SCN3B: variants seen among roughly 807,000 people sequenced by gnomAD.
SCN3B encodes the protein sodium voltage-gated channel beta subunit 3.
Under a neutral mutation model 25.4 loss-of-function variants are expected in SCN3B, and 11 were observed. That is an observed-to-expected ratio of 0.43 (90% CI 0.27 to 0.72). SCN3B has a LOEUF of 0.72. SCN3B is among the 30% of genes least tolerant of loss of function. SCN3B has a pLI of 0.18. For missense variants in SCN3B, 218 were observed against 278.3 expected (o/e 0.78, Z 1.54); for synonymous variants, 109 against 110.7 (o/e 0.99, Z 0.09).
rs115752338 is a variant in SCN3B, at chr11:123,645,608, G to T, written c.198C>A (p.Pro66=). ...ATACAAGGAAATCTTTACCGCCCTC[G>T]GGCCTGTAGAACCATTCCACCACCG... ...ATTVVEWFYR[P]EGGKDFLIYE... is the part of the protein sequence containing the mutation. Residue 66 remains proline, a synonymous_variant, in exon 3 of 7, where the codon CCC becomes CCA. Coordinates refer to ENST00000299333, the MANE Select transcript of SCN3B (RefSeq NM_001040151.2). The T allele has an allele frequency of 3.7e-6, 6 of 1,614,118 alleles. No homozygotes were observed. The African/African-American group carries it at 8.0e-5, about 22-fold the overall frequency.
At position 123,642,312 on chromosome 11, in the gene SCN3B, A is replaced by G. The variant is rs1955801018; in HGVS notation, c.445+134T>C. The G allele has an allele frequency of 2.4e-6, 2 of 848,956 alleles. No homozygotes were observed. The highest frequency in any genetic ancestry group is 3.9e-5 in the Admixed American group (2 of 50,806). The allele number at this position is 848,956 out of a possible 1,614,324, so 52.6% of individuals were successfully genotyped here. The stretch of plus-strand genomic sequence containing the variant: ...CAGAAGAAGATGGGTCAATGGTGAC[A>G]TTTTTAGATGTCACCATTCCAAATA... On this transcript the variant is annotated intron_variant, in intron 4 of 6. Transcript: ENST00000299333. This position sits in a 1 kb window ranked among gnomAD's most constrained non-coding sequence, Gnocchi z 4.3.
At chr11:123,645,809 A>G (rs903433100) in intron 2 of SCN3B, 59 bp from the exon 3 acceptor site, 79 of 1,580,506 alleles carry the variant, frequency 5.0e-5, no homozygotes, top group Non-Finnish European at 6.2e-5. Context: ...GGGGCACAGG[A>G]GAGAAACATT....
rs541118337 is a variant in SCN3B, at chr11:123,645,884, C to A, written c.56-134G>T. ...AGTCATGAGGCCAACCTGAAAAAAGCCACGTGCACATGTCTACACCTTCAC... is the reference window on the plus strand; with the variant it reads ...AGTCATGAGGCCAACCTGAAAAAAGACACGTGCACATGTCTACACCTTCAC... On this transcript the variant is annotated intron_variant, in intron 2 of 6. Coordinates refer to ENST00000299333, the MANE Select transcript of SCN3B (RefSeq NM_001040151.2). 3.5e-3 allele frequency: 3,208 copies of A among 903,900 alleles called. 10 individuals are homozygous for A. Among genetic ancestry groups the A allele is most frequent in the Non-Finnish European group, 4.8e-3 (2,749 of 571,892 alleles). The allele number at this position is 903,900 out of a possible 1,614,324, so 56.0% of individuals were successfully genotyped here.
rs1278134938 is a variant in SCN3B at position 123,632,152 on chromosome 11, A to G, written c.*1647T>C. ...TTTCCAGTTTCTCTGCTCCCTCAAA[A>G]TCTAGGGGAAAAAAATCTGAAAATT... is the stretch of plus-strand genomic sequence containing the variant. On this transcript the variant is annotated 3_prime_UTR_variant, in exon 7 of 7. Coordinates refer to ENST00000299333, the MANE Select transcript of SCN3B (RefSeq NM_001040151.2). The G allele has an allele frequency of 1.3e-5, 2 of 152,208 alleles. No homozygotes were observed. Among genetic ancestry groups the G allele is most frequent in the Non-Finnish European group, 2.9e-5 (2 of 68,036 alleles). The allele number at this position is 152,208 out of a possible 1,614,324, so 9.4% of individuals were successfully genotyped here.
rs1394142226 is a variant in SCN3B at position 123,633,589 on chromosome 11, T to G, written c.*210A>C. 1.1e-5 allele frequency: 2 copies of G among 178,762 alleles called. No homozygotes were observed. The highest frequency in any genetic ancestry group is 2.4e-5 in the Non-Finnish European group (2 of 83,028). The allele number at this position is 178,762 out of a possible 1,614,324, so 11.1% of individuals were successfully genotyped here. ...GCTTCTCAGTTCTGGCAGAGTCTTA[T>G]GGTGCGTAGAGGTCTGATGGAGTTA... is the stretch of plus-strand genomic sequence containing the variant. On this transcript the variant is annotated 3_prime_UTR_variant, in exon 7 of 7. Coordinates refer to ENST00000299333, the MANE Select transcript of SCN3B (RefSeq NM_001040151.2).
intron 2 of SCN3B, among the ~76,000 whole-genome samples, chr11:123,651,295 C>T (rs1955923116): frequency 6.6e-6 from 1 of 151,978 alleles, no homozygotes; most frequent in Non-Finnish European, 1.5e-5. Context: ...ACACATCTAA[C>T]CCAGCATTAT....
chr11:123,644,674 G>A (rs11219214), intron 3 of SCN3B, among the ~76,000 whole-genome samples: 14,154 of 151,232 alleles, frequency 0.094, 835 homozygotes, highest in Admixed American at 0.17. Flanking sequence ...GGGAGGCTGA[G>A]GTGGGAGAAT....
rs530374610 is a variant in SCN3B at position 123,630,125 on chromosome 11, C to T, written c.*3674G>A. 2.8e-4 allele frequency: 42 copies of T among 152,266 alleles called. No homozygotes were observed. Among genetic ancestry groups the T allele is most frequent in the African/African-American group, 1.0e-3 (42 of 41,530 alleles). 9.4% of individuals were successfully genotyped at this position (152,266 alleles called of 1,614,324 possible). On this transcript the variant is annotated 3_prime_UTR_variant, in exon 7 of 7. Transcript: ENST00000299333. ...TTCTAGTTGGACATCTAAGGAGAAA[C>T]CTGCAACTCAGAAGGAAGTCTGGGT... is the stretch of plus-strand genomic sequence containing the variant.
At chr11:123,633,884 T>C in intron 6 of SCN3B, 108 bp from the exon 7 acceptor site, 1 of 460,946 alleles carries the variant, frequency 2.2e-6, no homozygotes, top group Non-Finnish European at 4.1e-6. Context: ...GTGCCTCTGT[T>C]ACCATGGGCA....
At position 123,633,142 on chromosome 11, in the gene SCN3B, T is replaced by A. The variant is rs886047898; in HGVS notation, c.*657A>T. ...GTCCTTCCCAAGTCTCCTGTCCTTG[T>A]CTTCTTGGAGGGAACCTTAGAGACC... is the stretch of plus-strand genomic sequence containing the variant. On this transcript the variant is annotated 3_prime_UTR_variant, in exon 7 of 7. Coordinates refer to ENST00000299333, the MANE Select transcript of SCN3B (RefSeq NM_001040151.2). 1 of 152,204 alleles carries A rather than the reference T, an allele frequency of 6.6e-6. No homozygotes were observed. 9.4% of individuals were successfully genotyped at this position (152,204 alleles called of 1,614,324 possible). A position where few individuals can be genotyped will look rare whatever the true frequency, so the allele number is the denominator to read the frequency against.
chr11:123,645,801 G>A, intron 2 of SCN3B, 51 bp from the exon 3 acceptor site: 1 of 1,590,498 alleles, frequency 6.3e-7, no homozygotes, highest in Non-Finnish European at 8.6e-7. Flanking sequence ...GTGGGGGAGG[G>A]GCACAGGAGA....
At chr11:123,651,286 C>T (rs1955922967) in intron 2 of SCN3B, among the ~76,000 whole-genome samples, 1 of 151,958 alleles carries the variant, frequency 6.6e-6, no homozygotes, top group Non-Finnish European at 1.5e-5. Context: ...GAAGGGGGAA[C>T]ACATCTAACC....
intron 4 of SCN3B, 125 bp from the exon 5 acceptor site, chr11:123,638,449 G>T: frequency 2.3e-6 from 3 of 1,331,512 alleles, no homozygotes; most frequent in Non-Finnish European, 3.1e-6. Flanking sequence ...GATGTCAAAG[G>T]TATTCCAAAT....
chr11:123,629,737 C>T lies in SCN3B; in HGVS notation c.*4062G>A, dbSNP rs1377964748. ...ACTGGCAAGCACACCAAGCACTATT[C>T]AGATACATTTGCAGTGACTAGGTGA... is the stretch of plus-strand genomic sequence containing the variant. On this transcript the variant is annotated 3_prime_UTR_variant, in exon 7 of 7. Transcript: ENST00000299333. 6.6e-6 allele frequency: 1 copy of T among 152,242 alleles called. No individual in the cohort carries two copies. Among genetic ancestry groups the T allele is most frequent in the African/African-American group, 2.4e-5 (1 of 41,460 alleles). The allele number at this position is 152,242 out of a possible 1,614,324, so 9.4% of individuals were successfully genotyped here.
rs1955655422 is a variant in SCN3B, at chr11:123,630,332, T to G, written c.*3467A>C. 6.5e-6 allele frequency: 1 copy of G among 152,744 alleles called. No individual in the cohort carries two copies. The highest frequency in any genetic ancestry group is 2.4e-5 in the African/African-American group (1 of 41,552). The allele number at this position is 152,744 out of a possible 1,614,324, so 9.5% of individuals were successfully genotyped here. A position where few individuals can be genotyped will look rare whatever the true frequency, so the allele number is the denominator to read the frequency against. On this transcript the variant is annotated 3_prime_UTR_variant, in exon 7 of 7. Coordinates refer to ENST00000299333, the MANE Select transcript of SCN3B (RefSeq NM_001040151.2). ...GGCCAACTGGATTGAGCAATCACAT[T>G]CATGGCTGTGAAGTAGTAAGAATGG...
chr11:123,653,151 CAA>C (rs3884445), intron 2 of SCN3B, among the ~76,000 whole-genome samples: 1 of 144,218 alleles, frequency 6.9e-6, no homozygotes. Flanking sequence ...ACAAACAAAC[CAA>C]AAAAAAAAGA....
In SCN3B at chr11:123,640,850, C is replaced by T. The variant is rs1955781459; in HGVS notation, c.445+1596G>A. 2.0e-5 allele frequency: 3 copies of T among 152,246 alleles called. No individual in the cohort carries two copies. In the South Asian group the frequency reaches 6.2e-4, roughly 32 times the overall value. 9.4% of individuals were successfully genotyped at this position (152,246 alleles called of 1,614,324 possible). On this transcript the variant is annotated intron_variant, in intron 4 of 6. Coordinates refer to ENST00000299333, the MANE Select transcript of SCN3B (RefSeq NM_001040151.2). Reference sequence around the variant, plus strand: ...AATGTGGGCGATTCTGATGTCTGCCCTTTATCCAGAGGCCCTGGATTAAAT... The same window carrying T: ...AATGTGGGCGATTCTGATGTCTGCCTTTTATCCAGAGGCCCTGGATTAAAT...
intron 5 of SCN3B, among the ~76,000 whole-genome samples, chr11:123,636,383 G>A (rs934122546): frequency 6.6e-6 from 1 of 152,070 alleles, no homozygotes; most frequent in African/African-American, 2.4e-5. Flanking sequence ...TCCTTTCCAA[G>A]TCTTTTTCTT....
rs917863622 is a variant in SCN3B at position 123,632,150 on chromosome 11, A to G, written c.*1649T>C. 3 of 152,192 alleles carry G rather than the reference A, an allele frequency of 2.0e-5. No individual in the cohort carries two copies. Among genetic ancestry groups the G allele is most frequent in the Non-Finnish European group, 2.9e-5 (2 of 68,024 alleles). 9.4% of individuals were successfully genotyped at this position (152,192 alleles called of 1,614,324 possible). Reference sequence around the variant, plus strand: ...TTTTTCCAGTTTCTCTGCTCCCTCAAAATCTAGGGGAAAAAAATCTGAAAA... The same window carrying G: ...TTTTTCCAGTTTCTCTGCTCCCTCAGAATCTAGGGGAAAAAAATCTGAAAA... On this transcript the variant is annotated 3_prime_UTR_variant, in exon 7 of 7. Coordinates refer to ENST00000299333, the MANE Select transcript of SCN3B (RefSeq NM_001040151.2).
Sources: gnomAD v4.1 joint callset for allele counts (sites outside exome capture counted in the v4.1 genomes callset) on GRCh38, gnomAD v4.1.1 for gene constraint, Gnocchi (gnomAD v3.1) non-coding constraint, MANE v1.5 for transcripts, NCBI Gene and HGNC (gene_info 2026-07-23, HGNC 2026-07-21) for gene names.